Variants in SUSD6 observed in about 807,000 individuals in gnomAD.
The protein encoded by SUSD6 is sushi domain containing 6, also known as sushi domain-containing protein 6.
Under a neutral mutation model 28.4 loss-of-function variants are expected in SUSD6, and 16 were observed. The observed-to-expected ratio is 0.56, with a 90% CI of 0.38 to 0.86. The LOEUF (loss-of-function observed/expected upper bound fraction) is 0.86, where lower values mean the gene tolerates loss of function less well. SUSD6 is among the 40% of genes least tolerant of loss of function. SUSD6 has a pLI of 0.00. For synonymous variants in SUSD6, 147 were observed against 159.6 expected, an observed-to-expected ratio of 0.92 and a Z score of 0.59; for missense variants, 341 against 384.2, an observed-to-expected ratio of 0.89 and a Z score of 0.94.
chr14:69,684,477 A>T (rs1351061568), intron 2 of SUSD6, among the ~76,000 whole-genome samples: 1 of 152,286 alleles, frequency 6.6e-6, no homozygotes, highest in East Asian at 1.9e-4. Flanking sequence ...TGTTATGCTT[A>T]TCCCAAGATC....
chr14:69,651,827 A>T (rs962922818), intron 1 of SUSD6, among the ~76,000 whole-genome samples: 1 of 152,144 alleles, frequency 6.6e-6, no homozygotes, highest in Non-Finnish European at 1.5e-5. Flanking sequence ...GAGGTTAAGG[A>T]AGGGCCTGGG....
chr14:69,617,582 G>A (rs1884977426), intron 1 of SUSD6: 1 of 152,220 alleles, frequency 6.6e-6, no homozygotes, highest in Non-Finnish European at 1.5e-5. Context: ...ACGCGATAGT[G>A]CCTAAATTCA....
chr14:69,671,458 C>T (rs557350668), intron 2 of SUSD6, among the ~76,000 whole-genome samples: 2 of 152,300 alleles, frequency 1.3e-5, no homozygotes, highest in Admixed American at 1.3e-4. Flanking sequence ...ATCACCTGGC[C>T]TCAGTTCAGC....
chr14:69,703,593 G>A lies in SUSD6; in HGVS notation c.319+1G>A. ...GAGATTAGCTGCCGTCTCAACGAGG[G>A]TCAGTCTGGCAGATGAAAAAGGGAT... is the stretch of plus-strand genomic sequence containing the variant. On this transcript the variant is annotated splice_donor_variant, in intron 3 of 5. Transcript: ENST00000342745. LOFTEE classifies it high-confidence loss of function. 6.2e-7 allele frequency: 1 copy of A among 1,614,036 alleles called. No individual in the cohort carries two copies. Among genetic ancestry groups the A allele is most frequent in the Non-Finnish European group, 8.5e-7 (1 of 1,179,926 alleles).
At position 69,699,999 on chromosome 14, in the gene SUSD6, G is replaced by A. The variant is rs191035070; in HGVS notation, c.122-3396G>A. On this transcript the variant is annotated intron_variant, in intron 2 of 5. Coordinates refer to ENST00000342745, the MANE Select transcript of SUSD6 (RefSeq NM_014734.4). ...CCCTAATCTTTTATTATGCAGATGG[G>A]TTCTCTACCTGGTGGGCACCATGTT... is the stretch of plus-strand genomic sequence containing the variant. Among the ~76,000 whole-genome samples the A allele has an allele frequency of 4.2e-3, 634 of 152,258 alleles. 3 individuals carry two copies. Among genetic ancestry groups the A allele is most frequent in the African/African-American group, 0.014 (597 of 41,538 alleles).
At chr14:69,645,761 T>A (rs113331401) in intron 1 of SUSD6, among the ~76,000 whole-genome samples, 316 of 152,184 alleles carry the variant, frequency 2.1e-3, no homozygotes, top group African/African-American at 7.5e-3. Context: ...CACTTTTTTT[T>A]TTTTTTGAGA....
At chr14:69,700,928 A>G (rs1886304547) in intron 2 of SUSD6, among the ~76,000 whole-genome samples, 2 of 152,312 alleles carry the variant, frequency 1.3e-5, no homozygotes, top group Middle Eastern at 3.4e-3. Flanking sequence ...TTTAGATAAC[A>G]AAAACCTAAT....
chr14:69,671,302 G>A lies in SUSD6; in HGVS notation c.121+12589G>A, dbSNP rs182349357. 9.6e-4 allele frequency among the ~76,000 whole-genome samples: 146 copies of A among 152,292 alleles called. 1 individual carries two copies. The highest frequency in any genetic ancestry group is 3.4e-3 in the African/African-American group (140 of 41,542). On this transcript the variant is annotated intron_variant, in intron 2 of 5. Coordinates refer to ENST00000342745, the MANE Select transcript of SUSD6 (RefSeq NM_014734.4). ...GATGTTAATTTTAGGTACAATTTGT[G>A]GGAGAGGATTGGGGATGAGAAGAAT...
chr14:69,710,048 TG>T (rs1481047441), intron 5 of SUSD6, among the ~76,000 whole-genome samples: 2 of 152,258 alleles, frequency 1.3e-5, no homozygotes, highest in Admixed American at 1.3e-4. Flanking sequence ...TGGAGCTTCC[TG>T]GTTATCAACA....
At chr14:69,696,443 T>A (rs1477438638) in intron 2 of SUSD6, among the ~76,000 whole-genome samples, 1 of 152,260 alleles carries the variant, frequency 6.6e-6, no homozygotes, top group African/African-American at 2.4e-5. Context: ...CCTTGCTTTT[T>A]CTCTGGATCT....
At chr14:69,645,464 G>C (rs1313680395) in intron 1 of SUSD6, among the ~76,000 whole-genome samples, 1 of 152,108 alleles carries the variant, frequency 6.6e-6, no homozygotes, top group Non-Finnish European at 1.5e-5. Context: ...TGTTGTTGTT[G>C]AACACTAAGG....
intron 2 of SUSD6, among the ~76,000 whole-genome samples, chr14:69,683,197 G>A (rs1886023909): frequency 6.6e-6 from 1 of 152,078 alleles, no homozygotes; most frequent in South Asian, 2.1e-4. Context: ...GGAATGGGGT[G>A]TAGGAGGAGA....
chr14:69,618,265 C>T (rs932497092), intron 1 of SUSD6, among the ~76,000 whole-genome samples: 3 of 152,136 alleles, frequency 2.0e-5, no homozygotes, highest in East Asian at 1.9e-4. Context: ...ATGTGTATTA[C>T]GTGTAAATGA....
chr14:69,624,796 C>T (rs1305954934), intron 1 of SUSD6, among the ~76,000 whole-genome samples: 1 of 152,146 alleles, frequency 6.6e-6, no homozygotes, highest in Admixed American at 6.5e-5. Context: ...ATGATGTTAA[C>T]ACTACCCATC....
chr14:69,674,788 C>G (rs1401047025), intron 2 of SUSD6, among the ~76,000 whole-genome samples: 1 of 152,134 alleles, frequency 6.6e-6, no homozygotes, highest in African/African-American at 2.4e-5. Flanking sequence ...TTTTCAGCCT[C>G]TATCTGAAGG....
chr14:69,686,210 G>GA (rs1313330522), intron 2 of SUSD6, among the ~76,000 whole-genome samples: 1 of 152,112 alleles, frequency 6.6e-6, no homozygotes, highest in East Asian at 1.9e-4. Flanking sequence ...GTTGTGAAGA[G>GA]AAAAAAACAC....
At chr14:69,644,632 A>G (rs922988837) in intron 1 of SUSD6, among the ~76,000 whole-genome samples, 2 of 150,530 alleles carry the variant, frequency 1.3e-5, no homozygotes, top group Non-Finnish European at 1.5e-5. Flanking sequence ...ACAGAGTGAG[A>G]CTCCGTCTCA....
At chr14:69,700,432 C>T (rs182017451) in intron 2 of SUSD6, among the ~76,000 whole-genome samples, 1 of 152,286 alleles carries the variant, frequency 6.6e-6, no homozygotes, top group Non-Finnish European at 1.5e-5. Flanking sequence ...GCGGCTCCCC[C>T]TTTTCTTTGA....
intron 1 of SUSD6, among the ~76,000 whole-genome samples, chr14:69,650,057 G>C (rs1176618195): frequency 2.0e-5 from 3 of 152,206 alleles, no homozygotes; most frequent in Non-Finnish European, 4.4e-5. Context: ...GGGAGGTAGT[G>C]CTAAGTGCTT....
Sources: gnomAD v4.1 joint callset for allele counts (sites outside exome capture counted in the v4.1 genomes callset) on GRCh38, gnomAD v4.1.1 for gene constraint, MANE v1.5 for transcripts, NCBI Gene and HGNC (gene_info 2026-07-23, HGNC 2026-07-21) for gene names.